POFUT3: variants seen among roughly 807,000 people sequenced by gnomAD.
POFUT3 encodes protein O-fucosyltransferase 3, also known as GDP-fucose protein O-fucosyltransferase 3.
At chr8:33,434,853 T>C in the POFUT3 span, among the ~76,000 whole-genome samples, 32 of 152,310 alleles carry the variant, frequency 2.1e-4, no homozygotes, top group African/African-American at 7.5e-4. Context: ...TGTTGCCTCC[T>C]GGGGTCTTCC....
At chr8:33,364,094 T>C in the POFUT3 span, among the ~76,000 whole-genome samples, 1 of 152,188 alleles carries the variant, frequency 6.6e-6, no homozygotes, top group Non-Finnish European at 1.5e-5. Flanking sequence ...GCTTCATCCC[T>C]GGGATGCTAG....
chr8:33,384,489 C>T, the POFUT3 span, among the ~76,000 whole-genome samples: 1 of 152,132 alleles, frequency 6.6e-6, no homozygotes, highest in South Asian at 2.1e-4. Flanking sequence ...CCTTGTCCCC[C>T]ATACCTCTGC....
At chr8:33,393,239 T>G in the POFUT3 span, among the ~76,000 whole-genome samples, 1 of 152,242 alleles carries the variant, frequency 6.6e-6, no homozygotes, top group Non-Finnish European at 1.5e-5. Context: ...GACTAACGTA[T>G]GTGCAATTGG....
the POFUT3 span, among the ~76,000 whole-genome samples, chr8:33,346,656 C>A: frequency 6.6e-6 from 1 of 152,048 alleles, no homozygotes; most frequent in Non-Finnish European, 1.5e-5. Context: ...ATAATGTTTC[C>A]ATCTTACAAA....
chr8:33,372,502 G>A, the POFUT3 span: 1 of 1,520,806 alleles, frequency 6.6e-7, no homozygotes, highest in Non-Finnish European at 8.8e-7. Flanking sequence ...TAGCTATTAT[G>A]TTCAAATATT....
the POFUT3 span, among the ~76,000 whole-genome samples, chr8:33,378,348 CCT>C: frequency 1.3e-5 from 2 of 152,132 alleles, no homozygotes; most frequent in African/African-American, 4.8e-5. Flanking sequence ...AAGCAAAACT[CCT>C]CTTTCTCATG....
the POFUT3 span, among the ~76,000 whole-genome samples, chr8:33,345,819 T>C: frequency 4.1e-5 from 6 of 147,560 alleles, no homozygotes; most frequent in African/African-American, 1.5e-4. Context: ...GAAGTTGGTA[T>C]TTATTACTTT....
the POFUT3 span, among the ~76,000 whole-genome samples, chr8:33,410,225 G>C: frequency 6.6e-6 from 1 of 152,176 alleles, no homozygotes; most frequent in Non-Finnish European, 1.5e-5. Context: ...GGGGACCAGA[G>C]GACCCAAAGA....
At chr8:33,372,470 T>C in the POFUT3 span, 4 of 1,460,480 alleles carry the variant, frequency 2.7e-6, no homozygotes, top group African/African-American at 2.9e-5. Flanking sequence ...CTAATTATTA[T>C]CCTGATGGAT....
chr8:33,465,358 C>T, the POFUT3 span, among the ~76,000 whole-genome samples: 1 of 150,734 alleles, frequency 6.6e-6, no homozygotes, highest in African/African-American at 2.5e-5. Flanking sequence ...GGAAGCTGAG[C>T]CTTCTCAAGT....
At chr8:33,327,228 G>A in the POFUT3 span, among the ~76,000 whole-genome samples, 1 of 152,176 alleles carries the variant, frequency 6.6e-6, no homozygotes, top group Non-Finnish European at 1.5e-5. Context: ...TAGAATGTAT[G>A]TAGGGCCTTT....
the POFUT3 span, among the ~76,000 whole-genome samples, chr8:33,325,158 C>T: frequency 6.6e-6 from 1 of 152,134 alleles, no homozygotes. Flanking sequence ...GCCCACATCC[C>T]GTTCTTCCCT....
the POFUT3 span, chr8:33,389,704 C>A: frequency 6.2e-7 from 1 of 1,614,096 alleles, no homozygotes; most frequent in South Asian, 1.1e-5. Context: ...TATGAAAGAG[C>A]TTATAATTGT....
At chr8:33,388,938 C>G in the POFUT3 span, 3 of 1,590,096 alleles carry the variant, frequency 1.9e-6, no homozygotes, top group Middle Eastern at 1.7e-4. Context: ...CCTGCTGGCT[C>G]TATGCCCACC....
At chr8:33,467,907 G>T in the POFUT3 span, among the ~76,000 whole-genome samples, 1 of 152,260 alleles carries the variant, frequency 6.6e-6, no homozygotes, top group South Asian at 2.1e-4. Flanking sequence ...TGTAAAATGA[G>T]AAACCAACCT....
chr8:33,427,585 A>G, the POFUT3 span, among the ~76,000 whole-genome samples: 1 of 152,080 alleles, frequency 6.6e-6, no homozygotes, highest in Non-Finnish European at 1.5e-5. Flanking sequence ...GTCTCAAAAA[A>G]AAGCAAAAAA....
the POFUT3 span, among the ~76,000 whole-genome samples, chr8:33,463,342 T>C: frequency 2.0e-5 from 3 of 151,866 alleles, no homozygotes; most frequent in Non-Finnish European, 4.4e-5. Context: ...CCGTCTCTAC[T>C]ACAAATACAA....
At chr8:33,385,080 G>C in the POFUT3 span, among the ~76,000 whole-genome samples, 1 of 152,150 alleles carries the variant, frequency 6.6e-6, no homozygotes, top group African/African-American at 2.4e-5. Flanking sequence ...GAAACCAGTA[G>C]TCCATACATG....
At chr8:33,372,680 C>G in the POFUT3 span, 3 of 1,614,094 alleles carry the variant, frequency 1.9e-6, no homozygotes, top group Middle Eastern at 3.3e-4. Context: ...TTGTTCAAAG[C>G]TGGAAATCCA....
Sources: allele counts gnomAD v4.1 joint callset (sites outside exome capture counted in the v4.1 genomes callset), GRCh38; gene constraint gnomAD v4.1.1; transcripts MANE v1.5; gene names NCBI Gene and HGNC (gene_info 2026-07-23, HGNC 2026-07-21).